Variants in TCF3 observed in about 807,000 individuals in gnomAD.
TCF3 encodes transcription factor E2-alpha.
In TCF3, 54 loss-of-function variants were observed where a neutral mutation model predicts 72.3. That is an observed-to-expected ratio of 0.75 (90% CI 0.60 to 0.94). TCF3 has a LOEUF of 0.94. Ranked by LOEUF, TCF3 falls within the 40% of genes least tolerant of loss-of-function variation. TCF3 has a pLI of 0.00. For synonymous variants in TCF3, 525 were observed against 412.6 expected (o/e 1.27, Z -3.30); for missense variants, 1,078 against 934.4 (o/e 1.15, Z -2.00).
At chr19:1,626,190 C>G (rs1158742649) in intron 6 of TCF3, among the ~76,000 whole-genome samples, 1 of 152,196 alleles carries the variant, frequency 6.6e-6, no homozygotes, top group African/African-American at 2.4e-5. Context: ...GTGGCTCACA[C>G]CTATTATCCC....
At chr19:1,651,752 G>C (rs890668232) in intron 1 of TCF3, among the ~76,000 whole-genome samples, 1 of 151,778 alleles carries the variant, frequency 6.6e-6, no homozygotes, top group Admixed American at 6.5e-5. Flanking sequence ...CTCGCAGCGC[G>C]GCCGCCGCCT....
rs746116389 is a variant in TCF3, at chr19:1,619,175, G to A, written c.1386C>T (p.His462=). 3.7e-5 allele frequency: 59 copies of A among 1,600,314 alleles called. No homozygotes were observed. The highest frequency in any genetic ancestry group is 4.3e-5 in the Non-Finnish European group (51 of 1,179,748). The change falls in exon 16 of 19, where the codon CAC becomes CAT. Residue 462 remains histidine (H), a synonymous_variant. Transcript: ENST00000262965. ...TGCCTGGCTGGCTGGGGAGGGCCGC[G>A]TGGTTGTGCATGAGGCTGGTGCTGC... is the stretch of plus-strand genomic sequence containing the variant. The part of the protein sequence containing the change: ...LAGSTSLMHN[H]AALPSQPGTL...
intron 9 of TCF3, 38 bp downstream of exon 9, chr19:1,622,275 C>T: frequency 6.7e-7 from 1 of 1,503,322 alleles, no homozygotes. Flanking sequence ...CCCAGCCCTG[C>T]CCTACCGTCC....
intron 5 of TCF3, among the ~76,000 whole-genome samples, 200 bp from the exon 6 acceptor site, chr19:1,627,626 C>T (rs1019541014): frequency 6.6e-6 from 1 of 152,130 alleles, no homozygotes; most frequent in Non-Finnish European, 1.5e-5. Flanking sequence ...TCCCGCAGAG[C>T]CCTGCCCTCA....
intron 18 of TCF3, chr19:1,612,243 C>T (rs752724738): frequency 1.2e-6 from 2 of 1,604,324 alleles, no homozygotes; most frequent in Non-Finnish European, 1.7e-6. Flanking sequence ...ATGACCTGCA[C>T]GGCCTGCTGC....
At chr19:1,633,264 C>G (rs548067624) in intron 3 of TCF3, among the ~76,000 whole-genome samples, 48 of 152,336 alleles carry the variant, frequency 3.2e-4, no homozygotes, top group Middle Eastern at 3.4e-3. Context: ...CTCAGCTTGG[C>G]CACGGAGTTG....
Position 1,646,393 on chromosome 19 carries a change from C to T in TCF3, c.107G>A (p.Arg36Gln), listed in dbSNP as rs1011180356. The T allele has an allele frequency of 8.4e-6, 13 of 1,550,030 alleles. No homozygotes were observed. Among genetic ancestry groups the T allele is most frequent in the Middle Eastern group, 3.3e-4 (2 of 6,008 alleles). The part of the protein sequence containing the change: ...FPLPVTNGKG[R>Q]PASLAGAQFG... ...CTGCGCCCCGGCCAGGGAGGCGGGC[C>T]GGCCCTTCCCGTTGGTGACAGGCAG... Residue 36 changes from arginine (R) to glutamine (Q), a missense_variant, in exon 3 of 19, where the codon CGG becomes CAG. Coordinates refer to ENST00000262965, the MANE Select transcript of TCF3 (RefSeq NM_003200.5).
At chr19:1,617,794 T>C (rs2061705078) in intron 16 of TCF3, among the ~76,000 whole-genome samples, 1 of 151,970 alleles carries the variant, frequency 6.6e-6, no homozygotes, top group African/African-American at 2.4e-5. Flanking sequence ...TTCTCTGGGG[T>C]GGGGCCGTCC....
intron 3 of TCF3, among the ~76,000 whole-genome samples, chr19:1,635,457 G>A (rs2064264504): frequency 6.6e-6 from 1 of 151,884 alleles, no homozygotes; most frequent in South Asian, 2.1e-4. Flanking sequence ...ACTCTTTCCT[G>A]ATCTCACCAC....
At chr19:1,643,541 G>A (rs2065640809) in intron 3 of TCF3, among the ~76,000 whole-genome samples, 1 of 151,846 alleles carries the variant, frequency 6.6e-6, no homozygotes, top group African/African-American at 2.4e-5. Context: ...TGTTTGAGTT[G>A]GGGTCTCTCA....
chr19:1,627,912 A>G (rs28367558), intron 5 of TCF3, among the ~76,000 whole-genome samples: 1 of 4,676 alleles, frequency 2.1e-4, no homozygotes, highest in Admixed American at 2.0e-3. Flanking sequence ...CAGAGCTCAC[A>G]GGGGGTGAGG....
chr19:1,642,153 C>G (rs1600038498), intron 3 of TCF3, among the ~76,000 whole-genome samples: 1 of 151,434 alleles, frequency 6.6e-6, no homozygotes, highest in Non-Finnish European at 1.5e-5. Flanking sequence ...CACACACACA[C>G]ACACACACAC....
chr19:1,633,899 G>A (rs993449855), intron 3 of TCF3, among the ~76,000 whole-genome samples: 6 of 152,304 alleles, frequency 3.9e-5, no homozygotes, highest in African/African-American at 1.4e-4. Context: ...GTCTCAGTTT[G>A]CCTCTATACC....
chr19:1,623,416 C>A (rs1337000964), intron 8 of TCF3, among the ~76,000 whole-genome samples: 2 of 144,262 alleles, frequency 1.4e-5, no homozygotes, highest in Non-Finnish European at 3.0e-5. Flanking sequence ...CAGAGTCTCA[C>A]TCTGTTGCTC....
At position 1,613,751 on chromosome 19, in the gene TCF3, C is replaced by CG. The variant is rs1375313978; in HGVS notation, c.1822+1533dup. ...TGGGGAGGAGCCTCAGAAATGCACC[C>CG]GTCCCCTACAGTGAACTCCGGCTGC... On this transcript the variant is annotated intron_variant, in intron 18 of 18. Transcript: ENST00000262965. Among the ~76,000 whole-genome samples the CG allele has an allele frequency of 3.9e-5, 6 of 152,268 alleles. No homozygotes were observed. The East Asian group carries it at 7.7e-4, about 20-fold the overall frequency.
At chr19:1,644,750 C>T (rs895872899) in intron 3 of TCF3, among the ~76,000 whole-genome samples, 2 of 152,126 alleles carry the variant, frequency 1.3e-5, no homozygotes, top group Non-Finnish European at 1.5e-5. Context: ...CACAGTGGTC[C>T]GTGCCAGGGC....
chr19:1,651,655 CT>C (rs1256399075), intron 1 of TCF3, among the ~76,000 whole-genome samples: 1 of 151,978 alleles, frequency 6.6e-6, no homozygotes, highest in Non-Finnish European at 1.5e-5. Context: ...GCTGGAACGC[CT>C]TTTTCCCGGG....
chr19:1,642,233 C>T (rs1250474714), intron 3 of TCF3, among the ~76,000 whole-genome samples: 4 of 151,294 alleles, frequency 2.6e-5, no homozygotes, highest in African/African-American at 9.8e-5. Flanking sequence ...CACAGACACG[C>T]ACGCGCAGAC....
intron 7 of TCF3, among the ~76,000 whole-genome samples, chr19:1,625,322 G>A (rs1260330313): frequency 1.1e-4 from 17 of 152,236 alleles, no homozygotes; most frequent in Admixed American, 1.1e-3. Context: ...CAGAGCCCGT[G>A]CCCGTCAGCT....
Sources: gnomAD v4.1 joint callset for allele counts (sites outside exome capture counted in the v4.1 genomes callset) on GRCh38, gnomAD v4.1.1 for gene constraint, MANE v1.5 for transcripts, NCBI Gene and HGNC (gene_info 2026-07-23, HGNC 2026-07-21) for gene names.